CEP63: variants seen among roughly 807,000 people sequenced by gnomAD.
The protein encoded by CEP63 is centrosomal protein 63, also known as centrosomal protein of 63 kDa.
A neutral mutation model predicts 89.1 loss-of-function variants in CEP63; 84 were observed. The ratio of observed to expected loss-of-function variants is 0.94; its 90% CI spans 0.79 to 1.13. CEP63 has a LOEUF of 1.13. CEP63 is among the 50% of genes most tolerant of loss of function. The pLI, the probability that CEP63 is intolerant of heterozygous loss-of-function variation, is 0.00. For missense variants in CEP63, 838 were observed against 813.3 expected (o/e 1.03, Z -0.37); for synonymous variants, 267 against 272.5 (o/e 0.98, Z 0.20).
chr3:134,584,970 T>TTTTTTTTTTTTTTTTTTTTTTTTC (rs1553799248), intron 10 of CEP63, among the ~76,000 whole-genome samples: 1 of 45,338 alleles, frequency 2.2e-5, no homozygotes, highest in Non-Finnish European at 5.6e-5. Flanking sequence ...TTTTTTTTTT[T>TTTTTTTTTTTTTTTTTTTTTTTTC]TTTTGCATGG....
chr3:134,660,236 C>T, the CEP63 span, among the ~76,000 whole-genome samples: 17 of 152,382 alleles, frequency 1.1e-4, no homozygotes, highest in East Asian at 3.3e-3. Context: ...TCTGCTCTGC[C>T]CTCCGGGCAA....
At chr3:134,707,050 A>G in the CEP63 span, among the ~76,000 whole-genome samples, 4 of 152,216 alleles carry the variant, frequency 2.6e-5, no homozygotes, top group African/African-American at 7.2e-5. Flanking sequence ...AATAACAGGT[A>G]CTGGGGGTTA....
the CEP63 span, chr3:134,651,049 C>T: frequency 2.3e-4 from 365 of 1,565,542 alleles, 2 homozygotes; most frequent in Admixed American, 1.9e-4. Context: ...CTGCCCCACA[C>T]GGGAGAGGGC....
intron 2 of CEP63, among the ~76,000 whole-genome samples, chr3:134,496,434 G>C (rs570525756): frequency 0.023 from 498 of 21,840 alleles, 12 homozygotes; most frequent in African/African-American, 0.043. Flanking sequence ...AAAAAAAAGG[G>C]GGGGGGGGCT....
At chr3:134,670,329 TAAAA>T in the CEP63 span, among the ~76,000 whole-genome samples, 2 of 152,190 alleles carry the variant, frequency 1.3e-5, no homozygotes, top group Admixed American at 1.3e-4. Context: ...TAAATTTTGT[TAAAA>T]AAAGAGTTGC....
chr3:134,751,756 G>A, the CEP63 span, among the ~76,000 whole-genome samples: 13 of 152,084 alleles, frequency 8.5e-5, no homozygotes, highest in Non-Finnish European at 1.2e-4. Flanking sequence ...ATATTTATGC[G>A]TCTTACTTTA....
At chr3:134,686,552 T>G in the CEP63 span, among the ~76,000 whole-genome samples, 3 of 152,244 alleles carry the variant, frequency 2.0e-5, no homozygotes, top group South Asian at 6.2e-4. Context: ...CTTGAAGCTT[T>G]GCTTATTTTA....
intron 10 of CEP63, among the ~76,000 whole-genome samples, chr3:134,585,641 T>C (rs1033916803): frequency 6.6e-6 from 1 of 152,186 alleles, no homozygotes; most frequent in Non-Finnish European, 1.5e-5. Flanking sequence ...ATAAGTGCGA[T>C]GTGGTGCTGA....
Position 134,495,375 on chromosome 3 carries a change from T to G in CEP63, c.44+11T>G. The G allele has an allele frequency of 6.3e-7, 1 of 1,598,134 alleles. No individual in the cohort carries two copies. Among genetic ancestry groups the G allele is most frequent in the Non-Finnish European group, 8.6e-7 (1 of 1,165,734 alleles). On this transcript the variant is annotated intron_variant, in intron 2 of 14. Coordinates refer to ENST00000675561, the MANE Select transcript of CEP63 (RefSeq NM_001353108.3). ...TCGAGGGCATGGTGGGTAAGTTTGC[T>G]TTTTTTAAAATTAATTTTTTTGGTT...
chr3:134,495,746 C>T (rs537297653), intron 2 of CEP63, among the ~76,000 whole-genome samples: 1 of 152,294 alleles, frequency 6.6e-6, no homozygotes, highest in Non-Finnish European at 1.5e-5. Context: ...AACCCCTTCC[C>T]AGCCTCTGGT....
the CEP63 span, among the ~76,000 whole-genome samples, chr3:134,698,967 T>G: frequency 6.6e-6 from 1 of 152,172 alleles, no homozygotes; most frequent in Non-Finnish European, 1.5e-5. Context: ...TTTGCTCCAA[T>G]GAGGCTGTAC....
the CEP63 span, chr3:134,650,839 A>C: frequency 1.0e-5 from 16 of 1,603,754 alleles, no homozygotes; most frequent in Non-Finnish European, 1.3e-5. Context: ...TCCGCGCTGC[A>C]GCAGCGAGCT....
chr3:134,491,993 G>C (rs1014886059), intron 1 of CEP63, among the ~76,000 whole-genome samples: 3 of 151,630 alleles, frequency 2.0e-5, no homozygotes, highest in Admixed American at 6.6e-5. Context: ...TTAGAGGCCT[G>C]AAGTGCTTTC....
intron 3 of CEP63, among the ~76,000 whole-genome samples, chr3:134,527,681 GC>G (rs905405523): frequency 6.6e-6 from 1 of 152,142 alleles, no homozygotes; most frequent in Non-Finnish European, 1.5e-5. Flanking sequence ...AGCCATGGGG[GC>G]CACTCTGCTG....
chr3:134,594,743 A>G, the CEP63 span, among the ~76,000 whole-genome samples: 4 of 152,248 alleles, frequency 2.6e-5, no homozygotes, highest in Non-Finnish European at 4.4e-5. Flanking sequence ...CCAGAGATCT[A>G]TCATTTTGTT....
chr3:134,649,775 C>CCACAG, the CEP63 span, among the ~76,000 whole-genome samples: 1 of 152,228 alleles, frequency 6.6e-6, no homozygotes, highest in Non-Finnish European at 1.5e-5. Context: ...GCAAGGCCAT[C>CCACAG]CACAGCAGCA....
the CEP63 span, among the ~76,000 whole-genome samples, chr3:134,707,448 G>A: frequency 7.9e-5 from 12 of 152,206 alleles, no homozygotes; most frequent in African/African-American, 2.7e-4. Flanking sequence ...CAAGCAATTG[G>A]ATGATCAAAA....
the CEP63 span, among the ~76,000 whole-genome samples, chr3:134,770,644 CT>C: frequency 2.0e-5 from 3 of 152,060 alleles, no homozygotes; most frequent in Admixed American, 6.6e-5. Flanking sequence ...AATGCTTTTA[CT>C]TTTTTTTATT....
At chr3:134,545,530 CATTG>C (rs1953092516) in intron 6 of CEP63, 52 bp from the exon 7 acceptor site, 2 of 1,208,698 alleles carry the variant, frequency 1.7e-6, no homozygotes, top group African/African-American at 3.0e-5. Context: ...TAGTCTTATT[CATTG>C]ATTATTTTAT....
Sources: gnomAD v4.1 joint callset for allele counts (sites outside exome capture counted in the v4.1 genomes callset) on GRCh38, gnomAD v4.1.1 for gene constraint, MANE v1.5 for transcripts, NCBI Gene and HGNC (gene_info 2026-07-23, HGNC 2026-07-21) for gene names.